DENND5B: variants seen among roughly 807,000 people sequenced by gnomAD.
DENND5B encodes DENN domain containing 5B, also known as DENN domain-containing protein 5B.
A neutral mutation model predicts 140.6 loss-of-function variants in DENND5B; 34 were observed. That is an observed-to-expected ratio of 0.24 (90% CI 0.18 to 0.32). DENND5B has a LOEUF of 0.32. Ranked by LOEUF, DENND5B falls within the 10% of genes least tolerant of loss-of-function variation. DENND5B has a pLI of 1.00. For synonymous variants in DENND5B, 551 were observed against 562.1 expected (o/e 0.98, Z 0.28); for missense variants, 1,142 against 1,560.2 (o/e 0.73, Z 4.52).
intron 3 of DENND5B, among the ~76,000 whole-genome samples, chr12:31,464,560 T>A (rs1945169397): frequency 2.0e-5 from 3 of 152,126 alleles, no homozygotes; most frequent in Admixed American, 1.3e-4. Flanking sequence ...GTATTTTTCT[T>A]TTTATTTATT....
intron 1 of DENND5B, among the ~76,000 whole-genome samples, chr12:31,503,238 G>A (rs191362496): frequency 6.6e-5 from 10 of 152,214 alleles, no homozygotes; most frequent in African/African-American, 1.2e-4. Flanking sequence ...AAATCTCCCC[G>A]TTAGGAAAAG....
intron 5 of DENND5B, among the ~76,000 whole-genome samples, chr12:31,450,104 CATACACTTAAAGAAGTGA>C (rs1170551345): frequency 1.3e-5 from 2 of 152,152 alleles, no homozygotes; most frequent in African/African-American, 4.8e-5. Context: ...AACCTAAGGG[CATACACTTAAAGAAGTGA>C]AGTCTTGTTA....
intron 1 of DENND5B, among the ~76,000 whole-genome samples, chr12:31,504,412 T>C (rs1199895473): frequency 6.6e-6 from 1 of 152,226 alleles, no homozygotes; most frequent in South Asian, 2.1e-4. Flanking sequence ...TCTGGCCTTC[T>C]GGTTGCTTCA....
In DENND5B at chr12:31,447,534, G is replaced by A. The variant is rs764810389; in HGVS notation, c.1861+4C>T. The stretch of plus-strand genomic sequence containing the variant: ...ATTTAATTTAAAAGGCATGGCAAAT[G>A]TACCTGCTTCTTTTAAAGTGCTGCA... On this transcript the variant is annotated splice_donor_region_variant and intron_variant, in intron 6 of 20. Transcript: ENST00000389082. 1.3e-6 allele frequency: 2 copies of A among 1,599,944 alleles called. No homozygotes were observed. Among genetic ancestry groups the A allele is most frequent in the Non-Finnish European group, 8.5e-7 (1 of 1,171,746 alleles).
chr12:31,390,993 G>A (rs1941111221), intron 19 of DENND5B, among the ~76,000 whole-genome samples: 1 of 152,198 alleles, frequency 6.6e-6, no homozygotes, highest in South Asian at 2.1e-4. Flanking sequence ...TCCAGCCTGG[G>A]CAGTAGAGTG....
At chr12:31,399,829 G>A (rs1451171617) in intron 15 of DENND5B, 57 bp from the exon 16 acceptor site, 2 of 1,344,382 alleles carry the variant, frequency 1.5e-6, no homozygotes, top group East Asian at 2.3e-5. Context: ...TTACATCTCA[G>A]CTTTACAGGT....
intron 1 of DENND5B, among the ~76,000 whole-genome samples, chr12:31,556,019 C>T (rs999318165): frequency 1.4e-4 from 21 of 152,224 alleles, no homozygotes; most frequent in African/African-American, 5.1e-4. Context: ...TGAGGTGATG[C>T]CTCGCCCTGC....
intron 3 of DENND5B, among the ~76,000 whole-genome samples, chr12:31,464,407 C>G (rs763642388): frequency 6.6e-5 from 10 of 152,196 alleles, no homozygotes; most frequent in Admixed American, 1.3e-4. Context: ...CACCAGAGTA[C>G]TATCTACATG....
At chr12:31,464,426 G>A (rs1945162449) in intron 3 of DENND5B, among the ~76,000 whole-genome samples, 2 of 152,064 alleles carry the variant, frequency 1.3e-5, no homozygotes, top group Non-Finnish European at 2.9e-5. Flanking sequence ...TGCTTCAACA[G>A]TACCCTATCT....
intron 2 of DENND5B, among the ~76,000 whole-genome samples, chr12:31,483,014 C>T (rs1471197461): frequency 6.6e-6 from 1 of 152,240 alleles, no homozygotes; most frequent in Non-Finnish European, 1.5e-5. Flanking sequence ...GCTCCAGCAA[C>T]AATGGCACGT....
chr12:31,402,357 A>T, intron 15 of DENND5B, 141 bp downstream of exon 15: 6 of 1,052,258 alleles, frequency 5.7e-6, no homozygotes, highest in Non-Finnish European at 8.1e-6. Flanking sequence ...AACTTTAGAC[A>T]TATAATCACA....
intron 1 of DENND5B, chr12:31,500,298 A>C (rs1946952045): frequency 2.3e-6 from 1 of 430,624 alleles, no homozygotes; most frequent in Admixed American, 2.8e-5. Flanking sequence ...AAAGTTTCAA[A>C]TTTTGGAGTA....
At chr12:31,467,041 G>A (rs1945300048) in intron 3 of DENND5B, among the ~76,000 whole-genome samples, 1 of 151,550 alleles carries the variant, frequency 6.6e-6, no homozygotes, top group South Asian at 2.1e-4. Flanking sequence ...ACCAGAAGAT[G>A]ATAGAATATT....
intron 11 of DENND5B, among the ~76,000 whole-genome samples, chr12:31,422,261 TCCAA>T (rs768719095): frequency 4.0e-4 from 6 of 14,920 alleles, no homozygotes; most frequent in Non-Finnish European, 7.5e-4. Context: ...CTACTAAAAA[TCCAA>T]AAAAAAAAAA....
chr12:31,553,616 CTTG>C (rs993208475), intron 1 of DENND5B, among the ~76,000 whole-genome samples: 104 of 152,154 alleles, frequency 6.8e-4, no homozygotes, highest in African/African-American at 2.4e-3. Context: ...CCTGGGTATC[CTTG>C]TTAACTTTCT....
At chr12:31,572,791 G>A (rs1369005571) in intron 1 of DENND5B, among the ~76,000 whole-genome samples, 1 of 152,108 alleles carries the variant, frequency 6.6e-6, no homozygotes, top group East Asian at 1.9e-4. Flanking sequence ...AACAAATAGG[G>A]AATAAACAGT....
intron 1 of DENND5B, among the ~76,000 whole-genome samples, chr12:31,540,590 G>A (rs34667511): frequency 0.15 from 22,111 of 151,804 alleles, 1,860 homozygotes; most frequent in Non-Finnish European, 0.19. Context: ...GGAGGCAGAG[G>A]TTGTAGTGAG....
In DENND5B at chr12:31,389,222, C is replaced by T. The variant is rs147372921; in HGVS notation, c.3641+102G>A. 4,324 of 1,119,602 alleles carry T rather than the reference C, an allele frequency of 3.9e-3. 15 individuals carry two copies. Among genetic ancestry groups the T allele is most frequent in the Non-Finnish European group, 4.5e-3 (3,700 of 817,856 alleles). The allele number at this position is 1,119,602 out of a possible 1,614,324, so 69.4% of individuals were successfully genotyped here. A position where few individuals can be genotyped will look rare whatever the true frequency, so the allele number is the denominator to read the frequency against. On this transcript the variant is annotated intron_variant, in intron 20 of 20. Coordinates refer to ENST00000389082, the MANE Select transcript of DENND5B (RefSeq NM_144973.4). ...AAAAGAAAAAGTAAAAGGAAAGAAACCCAAAGGAGAGCTCTGGAAGGGGTA... is the reference window on the plus strand; with the variant it reads ...AAAAGAAAAAGTAAAAGGAAAGAAATCCAAAGGAGAGCTCTGGAAGGGGTA...
At chr12:31,471,483 T>TTTTA (rs1945560891) in intron 3 of DENND5B, among the ~76,000 whole-genome samples, 1 of 144,772 alleles carries the variant, frequency 6.9e-6, no homozygotes, top group African/African-American at 2.7e-5. Context: ...TTTTTTTTTG[T>TTTTA]AGAGACAGGG....
Sources: allele counts gnomAD v4.1 joint callset (sites outside exome capture counted in the v4.1 genomes callset), GRCh38; gene constraint gnomAD v4.1.1; transcripts MANE v1.5; gene names NCBI Gene and HGNC (gene_info 2026-07-23, HGNC 2026-07-21).